The following ATP8A2 variants were observed in gnomAD, a reference collection of about 807,000 sequenced individuals.
The protein encoded by ATP8A2 is phospholipid-transporting ATPase IB.
Under a neutral mutation model 165.6 loss-of-function variants are expected in ATP8A2, and 100 were observed. The ratio of observed to expected loss-of-function variants is 0.60; its 90% CI spans 0.51 to 0.71. The LOEUF is 0.71. Ranked by LOEUF, ATP8A2 falls within the 30% of genes least tolerant of loss-of-function variation. The pLI is 0.00. For missense variants in ATP8A2, 1,227 were observed against 1,479.5 expected, an observed-to-expected ratio of 0.83 and a Z score of 2.80; for synonymous variants, 543 against 548.8, an observed-to-expected ratio of 0.99 and a Z score of 0.15.
At chr13:25,570,617 G>A (rs41290738) in intron 16 of ATP8A2, 150 bp from the exon 17 acceptor site, 16,887 of 560,902 alleles carry the variant, frequency 0.03, 350 homozygotes, top group Non-Finnish European at 0.043. Context: ...AGAGCGGTAG[G>A]AGGGGGATCT....
chr13:25,977,618 A>C (rs1025513324), intron 35 of ATP8A2, among the ~76,000 whole-genome samples: 8 of 152,198 alleles, frequency 5.3e-5, no homozygotes, highest in African/African-American at 1.9e-4. Context: ...AGGAATGTTG[A>C]ATTCCAAGAG....
intron 1 of ATP8A2, among the ~76,000 whole-genome samples, chr13:25,429,393 A>G (rs9511803): frequency 0.58 from 83,342 of 144,324 alleles, 28,080 homozygotes; most frequent in East Asian, 0.99. Flanking sequence ...AAAAAAAAAA[A>G]AAAAAAAGAA....
chr13:25,566,689 G>A (rs1216004013), intron 16 of ATP8A2, among the ~76,000 whole-genome samples: 2 of 152,224 alleles, frequency 1.3e-5, no homozygotes, highest in African/African-American at 4.8e-5. Flanking sequence ...AGGAATAGCA[G>A]CAAACTATTG....
chr13:26,001,583 C>T (rs992506653), intron 35 of ATP8A2, among the ~76,000 whole-genome samples: 7 of 152,054 alleles, frequency 4.6e-5, no homozygotes, highest in African/African-American at 1.7e-4. Context: ...GTGTGAAGTG[C>T]TATCTCATGG....
In ATP8A2 at chr13:26,021,470, G is replaced by A. The variant is rs1345267963; in HGVS notation, c.*1485G>A. On this transcript the variant is annotated 3_prime_UTR_variant, in exon 37 of 37. Transcript: ENST00000381655. Reference sequence around the variant, plus strand: ...TAGACACAGGTACCTATCAGAATACGGCATATCCTGAATTATCTAAGACAA... The same window carrying A: ...TAGACACAGGTACCTATCAGAATACAGCATATCCTGAATTATCTAAGACAA... The A allele has an allele frequency of 1.3e-5, 2 of 152,112 alleles. No homozygotes were observed. The highest frequency in any genetic ancestry group is 2.9e-5 in the Non-Finnish European group (2 of 68,034). 9.4% of individuals were successfully genotyped at this position (152,112 alleles called of 1,614,324 possible).
At chr13:25,460,493 G>A (rs778356933) in intron 1 of ATP8A2, among the ~76,000 whole-genome samples, 2 of 152,194 alleles carry the variant, frequency 1.3e-5, no homozygotes, top group Non-Finnish European at 2.9e-5. Context: ...ACTCTGAGTT[G>A]AGTGTTTGAA....
chr13:25,382,759 C>CTTT (rs772036972), intron 1 of ATP8A2, among the ~76,000 whole-genome samples: 1 of 140,124 alleles, frequency 7.1e-6, no homozygotes, highest in Non-Finnish European at 1.6e-5. Flanking sequence ...ATCTTTTGTC[C>CTTT]TTTTTTTTTT....
rs1439740396 is a variant in ATP8A2 at position 25,953,527 on chromosome 13, A to G, written c.3184-8048A>G. The stretch of plus-strand genomic sequence containing the variant: ...CCTGGTTACTCCAGCCTTTTTAAAA[A>G]AAAAAAAAAAAAAAAAAAAGCAAGG... On this transcript the variant is annotated intron_variant, in intron 33 of 36. Transcript: ENST00000381655. The surrounding 1 kb of genome is among the most constrained non-coding windows in gnomAD (Gnocchi z 6.7). Among the ~76,000 whole-genome samples, 3 of 131,640 alleles carry G rather than the reference A, an allele frequency of 2.3e-5. No individual in the cohort carries two copies. The highest frequency in any genetic ancestry group is 3.3e-5 in the Non-Finnish European group (2 of 60,690). The allele number at this position is 131,640 out of a possible 152,430, so 86.4% of individuals were successfully genotyped here.
chr13:25,892,572 T>C (rs1242446716), intron 33 of ATP8A2, among the ~76,000 whole-genome samples: 1 of 139,450 alleles, frequency 7.2e-6, no homozygotes, highest in Non-Finnish European at 1.5e-5. Flanking sequence ...AAACAACAAA[T>C]GGAAACACCT....
intron 35 of ATP8A2, among the ~76,000 whole-genome samples, chr13:26,009,449 C>T (rs867597692): frequency 1.2e-4 from 19 of 152,292 alleles, no homozygotes; most frequent in Middle Eastern, 6.8e-3. Context: ...GTGAACATCC[C>T]AGCCCACACA....
intron 33 of ATP8A2, among the ~76,000 whole-genome samples, chr13:25,910,924 A>ATT (rs35021710): frequency 8.4e-4 from 120 of 142,786 alleles, no homozygotes; most frequent in Non-Finnish European, 1.0e-3. Flanking sequence ...ATCCCTCTCA[A>ATT]TTTTTTTTTT....
chr13:25,952,821 G>A lies in ATP8A2; in HGVS notation c.3184-8754G>A, dbSNP rs552416469. On this transcript the variant is annotated intron_variant, in intron 33 of 36. Transcript: ENST00000381655. ...GAGCACAGCTCTTTATTGTGTCAGC[G>A]CCACACAGCCACCCTGAGCAAATAG... Among the ~76,000 whole-genome samples, 20 of 152,224 alleles carry A rather than the reference G, an allele frequency of 1.3e-4. No individual in the cohort carries two copies. The East Asian group carries it at 2.9e-3, about 22-fold the overall frequency.
chr13:25,659,173 A>G (rs17082609), intron 24 of ATP8A2, among the ~76,000 whole-genome samples: 5,234 of 152,260 alleles, frequency 0.034, 155 homozygotes, highest in East Asian at 0.13. Flanking sequence ...CAGTCTTGCA[A>G]ACGGTCGTTT....
At position 26,025,068 on chromosome 13, in the gene ATP8A2, A is replaced by C. The variant is rs1957141584; in HGVS notation, c.*5083A>C. 1 of 148,748 alleles carries C rather than the reference A, an allele frequency of 6.7e-6. No individual in the cohort carries two copies. Among genetic ancestry groups the C allele is most frequent in the Non-Finnish European group, 1.5e-5 (1 of 67,384 alleles). 9.2% of individuals were successfully genotyped at this position (148,748 alleles called of 1,614,324 possible). On this transcript the variant is annotated 3_prime_UTR_variant, in exon 37 of 37. Transcript: ENST00000381655. ...TTGGAGTCTGTTGTATTCTTAAGAG[A>C]TAGCCTGATATGTGGTTTATAGGTG...
chr13:25,945,525 A>G (rs1278235885), intron 33 of ATP8A2, among the ~76,000 whole-genome samples: 1 of 152,230 alleles, frequency 6.6e-6, no homozygotes, highest in African/African-American at 2.4e-5. Flanking sequence ...TAAAATCTTT[A>G]TTAATTCAAG....
chr13:25,826,827 G>A (rs1951330048), intron 27 of ATP8A2, among the ~76,000 whole-genome samples: 2 of 150,194 alleles, frequency 1.3e-5, no homozygotes, highest in South Asian at 4.4e-4. Flanking sequence ...TCAGGTTTCT[G>A]TCCTCCCGGT....
Position 25,480,289 on chromosome 13 carries a change from C to CG in ATP8A2, c.221+11174dup, listed in dbSNP as rs1255258790. On this transcript the variant is annotated intron_variant, in intron 2 of 36. Transcript: ENST00000381655. ...CTCCCGGACGGGGCGGCTGGCCGGG[C>CG]GGGGGGCTGACCCCCACCTCCCTCC... 1.0e-4 allele frequency among the ~76,000 whole-genome samples: 15 copies of CG among 145,360 alleles called. No homozygotes were observed. In the South Asian group the frequency reaches 2.9e-3, roughly 28 times the overall value.
At chr13:25,525,311 T>A (rs1329670055) in intron 2 of ATP8A2, among the ~76,000 whole-genome samples, 1 of 152,160 alleles carries the variant, frequency 6.6e-6, no homozygotes, top group Non-Finnish European at 1.5e-5. Flanking sequence ...CTTTTGGGCT[T>A]CATACTAGAG....
At chr13:25,823,316 A>G (rs1951227268) in intron 27 of ATP8A2, among the ~76,000 whole-genome samples, 1 of 152,134 alleles carries the variant, frequency 6.6e-6, no homozygotes, top group Admixed American at 6.5e-5. Context: ...AATCCAAGCT[A>G]AGAAACTGAT....
Sources: gnomAD v4.1 joint callset for allele counts (sites outside exome capture counted in the v4.1 genomes callset) on GRCh38, gnomAD v4.1.1 for gene constraint, Gnocchi (gnomAD v3.1) non-coding constraint, MANE v1.5 for transcripts, NCBI Gene and HGNC (gene_info 2026-07-23, HGNC 2026-07-21) for gene names.